The following RNLS variants were observed in gnomAD, a reference collection of about 807,000 sequenced individuals.
The protein encoded by RNLS is renalase, FAD dependent amine oxidase, also known as renalase.
A neutral mutation model predicts 39.8 loss-of-function variants in RNLS; 39 were observed. The ratio of observed to expected loss-of-function variants is 0.98; its 90% CI spans 0.76 to 1.28. The LOEUF (loss-of-function observed/expected upper bound fraction) is 1.28. Among genes scored for constraint, RNLS ranks in the 50% most tolerant of loss-of-function variants. RNLS has a pLI of 0.00. For synonymous variants in RNLS, 147 were observed against 150.7 expected (o/e 0.98, Z 0.18); for missense variants, 410 against 413.3 (o/e 0.99, Z 0.07).
intron 5 of RNLS, among the ~76,000 whole-genome samples, chr10:88,355,926 C>A (rs56155841): frequency 0.23 from 34,605 of 152,156 alleles, 4,558 homozygotes; most frequent in Non-Finnish European, 0.28. Flanking sequence ...CACCCCTCCC[C>A]CAGCCTCGCT....
In RNLS at chr10:88,463,276, A is replaced by G. The variant is rs559402726; in HGVS notation, c.527-100551T>C. Among the ~76,000 whole-genome samples the G allele has an allele frequency of 4.7e-4, 72 of 152,200 alleles. 1 individual carries two copies. In the South Asian group the frequency reaches 0.014, roughly 29 times the overall value. ...ACTGGACATTTTGACCCAGATATGC[A>G]CACAAGGAGAATGCTATGTGAAGAT... On this transcript the variant is annotated intron_variant, in intron 4 of 6. Coordinates refer to ENST00000331772, the MANE Select transcript of RNLS (RefSeq NM_001031709.3).
At chr10:88,309,504 A>G (rs962626967) in intron 6 of RNLS, 37 of 1,248,876 alleles carry the variant, frequency 3.0e-5, no homozygotes, top group African/African-American at 2.8e-4. Context: ...CCCTTCAGCC[A>G]TTGCACATTT....
chr10:88,286,590 G>C (rs948976757), intron 6 of RNLS, among the ~76,000 whole-genome samples: 5 of 151,866 alleles, frequency 3.3e-5, no homozygotes, highest in African/African-American at 1.2e-4. Context: ...ACAACTTCAG[G>C]GGGCTCCATT....
chr10:88,319,421 G>A (rs1197931223), intron 5 of RNLS, among the ~76,000 whole-genome samples: 1 of 151,932 alleles, frequency 6.6e-6, no homozygotes, highest in African/African-American at 2.4e-5. Context: ...TGTAGCAATA[G>A]GTCCTAACAA....
At chr10:88,188,578 C>T in the RNLS span, among the ~76,000 whole-genome samples, 2 of 152,190 alleles carry the variant, frequency 1.3e-5, no homozygotes, top group Admixed American at 6.5e-5. Context: ...TGCAAGGGTG[C>T]ATTGTATAAA....
chr10:88,191,219 C>T, the RNLS span, among the ~76,000 whole-genome samples: 2 of 152,188 alleles, frequency 1.3e-5, no homozygotes, highest in Admixed American at 6.5e-5. Flanking sequence ...ATTGACTCAG[C>T]AGCTCCCTTC....
intron 3 of RNLS, among the ~76,000 whole-genome samples, chr10:88,579,720 T>C (rs1850423617): frequency 6.6e-6 from 1 of 152,204 alleles, no homozygotes; most frequent in Non-Finnish European, 1.5e-5. Context: ...AGTAACATTC[T>C]ACAAAACGTC....
At position 88,497,921 on chromosome 10, in the gene RNLS, G is replaced by C. The variant is rs147503614; in HGVS notation, c.526+74982C>G. On this transcript the variant is annotated intron_variant, in intron 4 of 6. Transcript: ENST00000331772. ...TGAGTAAAGTAGATTTATAAAAATA[G>C]TGTTCAAGAGGTTATTGAAGAGAAA... Among the ~76,000 whole-genome samples the C allele has an allele frequency of 3.8e-5, 5 of 131,682 alleles. No homozygotes were observed. The East Asian group carries it at 9.4e-4, about 25-fold the overall frequency. The allele number at this position is 131,682 out of a possible 152,430, so 86.4% of individuals were successfully genotyped here.
intron 4 of RNLS, among the ~76,000 whole-genome samples, chr10:88,512,334 T>A (rs1846170891): frequency 6.6e-6 from 1 of 152,202 alleles, no homozygotes; most frequent in Non-Finnish European, 1.5e-5. Flanking sequence ...TGTGTAGTTC[T>A]ATTTGGTAGG....
chr10:88,252,475 C>A, the RNLS span, among the ~76,000 whole-genome samples: 5 of 152,176 alleles, frequency 3.3e-5, no homozygotes, highest in African/African-American at 1.2e-4. Flanking sequence ...CCAGACCTCA[C>A]GAGGTGGGTG....
chr10:88,214,494 G>A, the RNLS span, among the ~76,000 whole-genome samples: 48 of 48,418 alleles, frequency 9.9e-4, no homozygotes, highest in Non-Finnish European at 1.6e-3. Flanking sequence ...GCGAGACTCC[G>A]TCTCAAAAAA....
intron 6 of RNLS, among the ~76,000 whole-genome samples, chr10:88,305,506 G>A (rs999315163): frequency 2.0e-5 from 3 of 152,064 alleles, no homozygotes; most frequent in African/African-American, 7.2e-5. Context: ...CAAGGAAATG[G>A]AAAAGAGAAG....
At chr10:88,173,235 G>A in the RNLS span, among the ~76,000 whole-genome samples, 1 of 152,084 alleles carries the variant, frequency 6.6e-6, no homozygotes, top group Non-Finnish European at 1.5e-5. Flanking sequence ...ATTTATTGAA[G>A]AAGCTGTCCT....
intron 4 of RNLS, among the ~76,000 whole-genome samples, chr10:88,497,579 C>T (rs1018360256): frequency 2.6e-5 from 4 of 152,024 alleles, no homozygotes; most frequent in African/African-American, 9.7e-5. Flanking sequence ...ATGGGAAAGT[C>T]TTTTAACAAC....
At chr10:88,199,379 A>G in the RNLS span, among the ~76,000 whole-genome samples, 1 of 152,124 alleles carries the variant, frequency 6.6e-6, no homozygotes, top group South Asian at 2.1e-4. Flanking sequence ...GGCCCAGATA[A>G]TTCTTTGTTG....
chr10:88,397,892 G>A (rs1852658418), intron 4 of RNLS, among the ~76,000 whole-genome samples: 1 of 151,910 alleles, frequency 6.6e-6, no homozygotes, highest in African/African-American at 2.4e-5. Context: ...TAGACATCTA[G>A]ATCAATGAAA....
In RNLS at chr10:88,444,626, A is replaced by T. The variant is rs142676177; in HGVS notation, c.527-81901T>A. Among the ~76,000 whole-genome samples the T allele has an allele frequency of 5.0e-3, 766 of 152,314 alleles. 3 individuals are homozygous for T. Among genetic ancestry groups the T allele is most frequent in the African/African-American group, 0.017 (722 of 41,576 alleles). ...GTAACCAGAGTAGAGAAGTCCTTAA[A>T]TGACCTGATGGAGCTGAAAACCATG... On this transcript the variant is annotated intron_variant, in intron 4 of 6. Coordinates refer to ENST00000331772, the MANE Select transcript of RNLS (RefSeq NM_001031709.3).
chr10:88,299,847 T>C (rs1361727472), intron 6 of RNLS, among the ~76,000 whole-genome samples: 5 of 152,340 alleles, frequency 3.3e-5, no homozygotes, highest in African/African-American at 1.2e-4. Flanking sequence ...ATAGGAACAT[T>C]GATTTCCTCA....
At chr10:88,245,920 TTCATGCATCCCAACC>T in the RNLS span, among the ~76,000 whole-genome samples, 9 of 152,218 alleles carry the variant, frequency 5.9e-5, no homozygotes, top group Non-Finnish European at 1.0e-4. Context: ...TATCTTTTTG[TTCATGCATCCCAACC>T]TAATTTCCTG....
Sources: gnomAD v4.1 joint callset for allele counts (sites outside exome capture counted in the v4.1 genomes callset) on GRCh38, gnomAD v4.1.1 for gene constraint, MANE v1.5 for transcripts, NCBI Gene and HGNC (gene_info 2026-07-23, HGNC 2026-07-21) for gene names.